CREB5: variants seen among roughly 807,000 people sequenced by gnomAD.
CREB5 encodes the protein cAMP responsive element binding protein 5.
In CREB5, 19 loss-of-function variants were observed where a neutral mutation model predicts 57.1. The observed-to-expected ratio is 0.33, with a 90% CI of 0.23 to 0.49. The LOEUF (loss-of-function observed/expected upper bound fraction) is 0.49. Among genes scored for constraint, CREB5 ranks in the 20% least tolerant of loss-of-function variants. CREB5 has a pLI of 0.99. For synonymous variants in CREB5, 238 were observed against 238.3 expected, an observed-to-expected ratio of 1.00 and a Z score of 0.01; for missense variants, 579 against 671.6, an observed-to-expected ratio of 0.86 and a Z score of 1.52.
At chr7:28,640,392 A>T (rs1392813311) in intron 5 of CREB5, among the ~76,000 whole-genome samples, 2 of 152,200 alleles carry the variant, frequency 1.3e-5, no homozygotes, top group Non-Finnish European at 2.9e-5. Flanking sequence ...AGCTTACCAA[A>T]CATCTTTCAA....
At chr7:28,510,701 G>A (rs1367706571) in intron 4 of CREB5, among the ~76,000 whole-genome samples, 4 of 152,150 alleles carry the variant, frequency 2.6e-5, no homozygotes, top group Non-Finnish European at 4.4e-5. Flanking sequence ...TAGAATCAGC[G>A]CAGGCTGTAA....
intron 1 of CREB5, among the ~76,000 whole-genome samples, chr7:28,427,732 T>C (rs1788564835): frequency 6.6e-6 from 1 of 152,072 alleles, no homozygotes; most frequent in African/African-American, 2.4e-5. Flanking sequence ...GACTTCGCTC[T>C]CCTCTTGCAT....
chr7:28,567,397 C>T (rs1795526076), intron 4 of CREB5, among the ~76,000 whole-genome samples: 1 of 152,156 alleles, frequency 6.6e-6, no homozygotes, highest in Admixed American at 6.5e-5. Flanking sequence ...GGTAATGTTT[C>T]ATCATATGGA....
chr7:28,608,870 A>G (rs376621753), intron 5 of CREB5, among the ~76,000 whole-genome samples: 19 of 152,346 alleles, frequency 1.2e-4, no homozygotes, highest in African/African-American at 4.3e-4. Flanking sequence ...GAAGAGGATC[A>G]TGACATTTCT....
At chr7:28,730,275 G>A (rs1803542689) in intron 7 of CREB5, among the ~76,000 whole-genome samples, 1 of 151,958 alleles carries the variant, frequency 6.6e-6, no homozygotes, top group Non-Finnish European at 1.5e-5. Flanking sequence ...CCTCAAACTT[G>A]CAGGCTCAAG....
At chr7:28,495,383 A>G (rs1234222130) in intron 3 of CREB5, among the ~76,000 whole-genome samples, 3 of 152,066 alleles carry the variant, frequency 2.0e-5, no homozygotes, top group African/African-American at 7.2e-5. Context: ...CTCTACAAAA[A>G]ATACAAAAAT....
chr7:28,642,987 T>TACACACACACACACAC (rs1179446048), intron 5 of CREB5, among the ~76,000 whole-genome samples: 25 of 98,404 alleles, frequency 2.5e-4, no homozygotes, highest in East Asian at 4.2e-4. Context: ...CACACACACA[T>TACACACACACACACAC]ACACACACAC....
chr7:28,419,156 T>A (rs1788134519), intron 1 of CREB5, among the ~76,000 whole-genome samples: 1 of 152,206 alleles, frequency 6.6e-6, no homozygotes, highest in Admixed American at 6.5e-5. Flanking sequence ...GGCTACTTTG[T>A]GATTGACTGT....
chr7:28,367,172 C>A (rs10279345), intron 1 of CREB5, among the ~76,000 whole-genome samples: 64,191 of 151,920 alleles, frequency 0.42, 13,854 homozygotes, highest in Non-Finnish European at 0.49. Flanking sequence ...GGTATCATTC[C>A]TGGGTCCCCA....
intron 4 of CREB5, among the ~76,000 whole-genome samples, chr7:28,514,645 C>T (rs1036944318): frequency 2.6e-5 from 4 of 152,160 alleles, no homozygotes; most frequent in South Asian, 2.1e-4. Context: ...CCGCCCGCCT[C>T]GGCCTCCCAA....
intron 1 of CREB5, among the ~76,000 whole-genome samples, chr7:28,416,222 T>G (rs1788017984): frequency 6.6e-6 from 1 of 152,162 alleles, no homozygotes; most frequent in Non-Finnish European, 1.5e-5. Flanking sequence ...TTTTTATTCT[T>G]TTATTACACT....
chr7:28,667,736 C>T (rs193223929), intron 5 of CREB5, among the ~76,000 whole-genome samples: 204 of 152,094 alleles, frequency 1.3e-3, no homozygotes, highest in Middle Eastern at 0.01. Context: ...TTTTTGAAGC[C>T]GAATCCAGCC....
upstream of CREB5, chr7:28,409,997 G>C (rs1246083401): frequency 2.2e-6 from 1 of 454,116 alleles, no homozygotes; most frequent in Non-Finnish European, 4.4e-6. The surrounding 1 kb of genome is among the most constrained non-coding windows in gnomAD (Gnocchi z 4.4). Context: ...CAGCGTGGCG[G>C]CGGAACCCCC....
chr7:28,393,358 C>T (rs958654363), intron 1 of CREB5, among the ~76,000 whole-genome samples: 2 of 152,222 alleles, frequency 1.3e-5, no homozygotes, highest in Non-Finnish European at 2.9e-5. Context: ...AAACAACTCT[C>T]CCCTGTTTCT....
chr7:28,768,999 C>T (rs913900541), intron 7 of CREB5, among the ~76,000 whole-genome samples: 1 of 152,224 alleles, frequency 6.6e-6, no homozygotes, highest in Non-Finnish European at 1.5e-5. Flanking sequence ...AATGAGTGAG[C>T]ATTGACCACT....
At chr7:28,442,169 C>T (rs1444259674) in intron 1 of CREB5, among the ~76,000 whole-genome samples, 1 of 152,110 alleles carries the variant, frequency 6.6e-6, no homozygotes, top group African/African-American at 2.4e-5. Flanking sequence ...CCTTAGCTCC[C>T]ACATATGAGT....
intron 1 of CREB5, among the ~76,000 whole-genome samples, chr7:28,475,811 A>G (rs570934092): frequency 4.6e-5 from 7 of 152,234 alleles, no homozygotes; most frequent in Non-Finnish European, 7.4e-5. Context: ...AAAGCACTTT[A>G]CTTGCATTCT....
At chr7:28,504,046 T>G (rs1240522778) in intron 3 of CREB5, among the ~76,000 whole-genome samples, 1 of 152,202 alleles carries the variant, frequency 6.6e-6, no homozygotes, top group Non-Finnish European at 1.5e-5. Flanking sequence ...TTTTTGTGAG[T>G]GAGCTATTCT....
intron 5 of CREB5, among the ~76,000 whole-genome samples, chr7:28,688,705 T>A (rs1304909601): frequency 6.6e-6 from 1 of 152,188 alleles, no homozygotes; most frequent in East Asian, 1.9e-4. Flanking sequence ...CCAGCTCAAT[T>A]GCGCACAGGG....
Sources: gnomAD v4.1 joint callset for allele counts (sites outside exome capture counted in the v4.1 genomes callset) on GRCh38, gnomAD v4.1.1 for gene constraint, Gnocchi (gnomAD v3.1) non-coding constraint, MANE v1.5 for transcripts, NCBI Gene and HGNC (gene_info 2026-07-23, HGNC 2026-07-21) for gene names.